The following DAB1 variants were observed in gnomAD, a reference collection of about 807,000 sequenced individuals.
DAB1 encodes the protein DAB adaptor protein 1, also known as disabled homolog 1.
Under a neutral mutation model 64.6 loss-of-function variants are expected in DAB1, and 15 were observed. The observed-to-expected ratio is 0.23, with a 90% confidence interval of 0.16 to 0.36. The LOEUF is 0.36. Ranked by LOEUF, DAB1 falls within the 10% of genes least tolerant of loss-of-function variation. The probability of loss-of-function intolerance (pLI) is 1.00; values close to 1 mark genes in which losing one functional copy is unlikely to be tolerated. For missense variants in DAB1, 596 were observed against 706.7 expected (o/e 0.84, Z 1.78); for synonymous variants, 235 against 251.9 (o/e 0.93, Z 0.64).
In DAB1 at chr1:58,351,235, G is replaced by A. The variant is rs138948569; in HGVS notation, n.258-7832C>T. ...CTTTGTAGCAATTGCAAATGGGCTC[G>A]TTTAAGGGAACAGATATCTATTTAA... On this transcript the variant is annotated intron_variant and non_coding_transcript_variant, in intron 3 of 20. Transcript: ENST00000485760. Among the ~76,000 whole-genome samples the A allele has an allele frequency of 4.7e-4, 71 of 152,024 alleles. No individual in the cohort carries two copies. In the East Asian group the frequency reaches 0.01, roughly 22 times the overall value.
At chr1:57,742,089 T>C (rs1261557679) in intron 6 of DAB1, among the ~76,000 whole-genome samples, 1 of 152,160 alleles carries the variant, frequency 6.6e-6, no homozygotes, top group Admixed American at 6.5e-5. Flanking sequence ...TAGTAAATAG[T>C]GTTCATTTAA....
intron 4 of DAB1, among the ~76,000 whole-genome samples, chr1:58,163,428 C>T (rs1281597534): frequency 6.6e-6 from 1 of 152,102 alleles, no homozygotes; most frequent in Non-Finnish European, 1.5e-5. Context: ...ATAGACAAAT[C>T]CTCTCTCTCC....
chr1:57,191,043 G>A (rs1664076605), intron 2 of DAB1, among the ~76,000 whole-genome samples: 1 of 152,142 alleles, frequency 6.6e-6, no homozygotes, highest in African/African-American at 2.4e-5. Flanking sequence ...CTGCCTCACA[G>A]GATTCATGAC....
chr1:57,699,750 T>A (rs542692355), intron 6 of DAB1, among the ~76,000 whole-genome samples: 2 of 152,024 alleles, frequency 1.3e-5, no homozygotes, highest in East Asian at 3.9e-4. Context: ...CTGTCTCTAC[T>A]AAAAATACAA....
At chr1:57,715,889 C>A (rs1386711522) in intron 6 of DAB1, among the ~76,000 whole-genome samples, 1 of 152,112 alleles carries the variant, frequency 6.6e-6, no homozygotes, top group Non-Finnish European at 1.5e-5. Flanking sequence ...CAATGCAATT[C>A]CTATCAAAGT....
intron 1 of DAB1, among the ~76,000 whole-genome samples, chr1:57,868,300 G>A (rs1278136131): frequency 6.6e-6 from 1 of 150,990 alleles, no homozygotes; most frequent in Non-Finnish European, 1.5e-5. Context: ...TTTTCAGGGT[G>A]TTCTAGGCCT....
chr1:57,740,934 T>C (rs2101789603), intron 6 of DAB1, among the ~76,000 whole-genome samples: 1 of 152,240 alleles, frequency 6.6e-6, no homozygotes, highest in South Asian at 2.1e-4. Flanking sequence ...AAGGAGGGCT[T>C]CATGGAGGAG....
intron 1 of DAB1, among the ~76,000 whole-genome samples, chr1:57,865,752 C>T (rs537618810): frequency 7.2e-5 from 11 of 152,270 alleles, no homozygotes; most frequent in African/African-American, 1.9e-4. Context: ...AGTTAGACTG[C>T]GTGGATTCAA....
intron 5 of DAB1, among the ~76,000 whole-genome samples, chr1:57,900,307 T>C (rs931999049): frequency 2.0e-5 from 3 of 152,140 alleles, no homozygotes; most frequent in Non-Finnish European, 4.4e-5. Context: ...TGGCACACAC[T>C]GGGGGGTATT....
chr1:58,266,679 A>C (rs1207335898), intron 4 of DAB1, among the ~76,000 whole-genome samples: 1 of 152,234 alleles, frequency 6.6e-6, no homozygotes, highest in African/African-American at 2.4e-5. Context: ...AATCCTATGA[A>C]TCCATGGATA....
At chr1:57,511,375 G>C (rs765630176) in intron 7 of DAB1, among the ~76,000 whole-genome samples, 2 of 152,134 alleles carry the variant, frequency 1.3e-5, no homozygotes, top group Non-Finnish European at 2.9e-5. Flanking sequence ...CCAACAAGCT[G>C]TTTCCCACCC....
chr1:57,384,682 T>C (rs1304370779), intron 1 of DAB1, among the ~76,000 whole-genome samples: 1 of 152,098 alleles, frequency 6.6e-6, no homozygotes, highest in Admixed American at 6.6e-5. Flanking sequence ...GTATCTAGAG[T>C]AGTCAAATTC....
chr1:57,230,834 A>T (rs1557986341), intron 2 of DAB1, among the ~76,000 whole-genome samples: 1 of 152,176 alleles, frequency 6.6e-6, no homozygotes, highest in African/African-American at 2.4e-5. Flanking sequence ...ACTGCAAATT[A>T]TTAACTGGTA....
chr1:57,361,014 G>A (rs1424859084), intron 1 of DAB1, among the ~76,000 whole-genome samples: 1 of 152,014 alleles, frequency 6.6e-6, no homozygotes, highest in East Asian at 1.9e-4. Flanking sequence ...TTAGGAGAGA[G>A]GCCCCCCTTT....
rs529648895 is a variant in DAB1, at chr1:57,290,490, G to A, written c.67+474C>T. On this transcript the variant is annotated intron_variant, in intron 2 of 14. Transcript: ENST00000371236. ...TCCAGCCGGAGTTTGACAACCACTGGTACAGGCGATGATGAACTACAGAAT... is the reference window on the plus strand; with the variant it reads ...TCCAGCCGGAGTTTGACAACCACTGATACAGGCGATGATGAACTACAGAAT... Among the ~76,000 whole-genome samples the A allele has an allele frequency of 2.2e-4, 33 of 152,266 alleles. No individual in the cohort carries two copies. The East Asian group carries it at 6.2e-3, about 28-fold the overall frequency.
chr1:57,325,175 A>C (rs1676052702), intron 1 of DAB1, among the ~76,000 whole-genome samples: 1 of 152,192 alleles, frequency 6.6e-6, no homozygotes. Context: ...GCCAGCCTGG[A>C]GCAGAAGGCA....
At chr1:57,961,976 A>G (rs562794511) in intron 5 of DAB1, among the ~76,000 whole-genome samples, 2 of 152,046 alleles carry the variant, frequency 1.3e-5, no homozygotes, top group African/African-American at 4.8e-5. Context: ...CTGTCTCAAA[A>G]AAAAAAAAAG....
At chr1:58,184,974 A>C (rs972316058) in intron 4 of DAB1, among the ~76,000 whole-genome samples, 4 of 152,190 alleles carry the variant, frequency 2.6e-5, no homozygotes, top group Admixed American at 2.6e-4. Flanking sequence ...CATGAGGAAG[A>C]GCAGACTGCA....
chr1:57,896,234 C>T (rs1644389624), intron 5 of DAB1, among the ~76,000 whole-genome samples: 1 of 152,110 alleles, frequency 6.6e-6, no homozygotes, highest in African/African-American at 2.4e-5. Flanking sequence ...TATGCAGTAT[C>T]ACTATCGTGT....
Sources: gnomAD v4.1 joint callset for allele counts (sites outside exome capture counted in the v4.1 genomes callset) on GRCh38, gnomAD v4.1.1 for gene constraint, MANE v1.5 for transcripts, NCBI Gene and HGNC (gene_info 2026-07-23, HGNC 2026-07-21) for gene names.